GRM8: variants seen among roughly 807,000 people sequenced by gnomAD.
GRM8 encodes the protein metabotropic glutamate receptor 8.
GRM8 carries 47 observed loss-of-function variants against 87.2 expected under a neutral mutation model. The ratio of observed to expected loss-of-function variants is 0.54; its 90% CI spans 0.43 to 0.69. GRM8 has a LOEUF of 0.69. Among genes scored for constraint, GRM8 ranks in the 30% least tolerant of loss-of-function variants. The pLI is 0.00. For missense variants in GRM8, 1,019 were observed against 1,139.2 expected (o/e 0.89, Z 1.52); for synonymous variants, 396 against 404.5 (o/e 0.98, Z 0.25).
At chr7:126,513,685 T>C (rs1811755789) in intron 9 of GRM8, among the ~76,000 whole-genome samples, 1 of 152,136 alleles carries the variant, frequency 6.6e-6, no homozygotes, top group South Asian at 2.1e-4. Flanking sequence ...CTTAGGTAAG[T>C]AGGACTGAAG....
Position 127,062,840 on chromosome 7 carries a change from G to A in GRM8, c.727+43656C>T, listed in dbSNP as rs532058385. Among the ~76,000 whole-genome samples the A allele has an allele frequency of 1.3e-5, 2 of 152,204 alleles. 1 individual carries two copies. Among genetic ancestry groups the A allele is most frequent in the South Asian group, 4.1e-4 (2 of 4,830 alleles). On this transcript the variant is annotated intron_variant, in intron 3 of 10. Transcript: ENST00000339582. ...GTTTCTGATGGTTGCTTTTATATCT[G>A]TGGGGGTCAGCAGTAATATTCCCTT...
chr7:126,887,859 A>T (rs1044169426), intron 6 of GRM8, among the ~76,000 whole-genome samples: 2 of 152,028 alleles, frequency 1.3e-5, no homozygotes, highest in Non-Finnish European at 2.9e-5. Flanking sequence ...TCACAGGGAC[A>T]TTTTCTGTCA....
At chr7:126,944,827 T>C (rs917110409) in intron 3 of GRM8, among the ~76,000 whole-genome samples, 1 of 152,140 alleles carries the variant, frequency 6.6e-6, no homozygotes, top group Non-Finnish European at 1.5e-5. Flanking sequence ...AGGATATATA[T>C]TAATACTTCA....
chr7:127,041,323 G>T (rs908306682), intron 3 of GRM8, among the ~76,000 whole-genome samples: 1 of 152,122 alleles, frequency 6.6e-6, no homozygotes, highest in African/African-American at 2.4e-5. Flanking sequence ...GCCGGTGCAG[G>T]GTAACGTTTA....
At chr7:127,216,903 G>A (rs1252620378) in intron 2 of GRM8, among the ~76,000 whole-genome samples, 1 of 152,078 alleles carries the variant, frequency 6.6e-6, no homozygotes, top group Non-Finnish European at 1.5e-5. Context: ...CACTTTGAGA[G>A]GGCCCTTCCC....
chr7:127,220,563 T>C (rs574566009), intron 2 of GRM8, among the ~76,000 whole-genome samples: 1 of 152,204 alleles, frequency 6.6e-6, no homozygotes, highest in East Asian at 1.9e-4. Flanking sequence ...TGGCTCACTA[T>C]AGCCTCTACC....
chr7:126,901,747 A>G (rs74517470), intron 6 of GRM8, among the ~76,000 whole-genome samples: 1 of 152,194 alleles, frequency 6.6e-6, no homozygotes, highest in East Asian at 1.9e-4. Context: ...AGTGTAAAGG[A>G]TTTGTGCATT....
chr7:126,634,176 T>C (rs1801624349), intron 7 of GRM8, among the ~76,000 whole-genome samples: 1 of 152,152 alleles, frequency 6.6e-6, no homozygotes. Context: ...CACACTGAAT[T>C]AAAAAGTGAA....
At chr7:127,243,597 T>TA (rs139071356) in intron 1 of GRM8, 82 bp from the exon 2 acceptor site, 146 of 165,602 alleles carry the variant, frequency 8.8e-4, no homozygotes, top group Middle Eastern at 6.0e-3. Flanking sequence ...GCCAGCCTCT[T>TA]AAAAAAAAAA....
chr7:127,061,414 A>C (rs1197965201), intron 3 of GRM8, among the ~76,000 whole-genome samples: 1 of 152,216 alleles, frequency 6.6e-6, no homozygotes, highest in Non-Finnish European at 1.5e-5. Flanking sequence ...ATCATTTTTA[A>C]CCAAAAAAAT....
At chr7:126,638,928 T>C (rs1012717941) in intron 7 of GRM8, among the ~76,000 whole-genome samples, 30 of 152,292 alleles carry the variant, frequency 2.0e-4, no homozygotes, top group African/African-American at 7.2e-4. Flanking sequence ...CTGCCACTTC[T>C]GTACTCTACT....
At chr7:126,991,938 A>G (rs1812701554) in intron 3 of GRM8, among the ~76,000 whole-genome samples, 1 of 152,224 alleles carries the variant, frequency 6.6e-6, no homozygotes, top group Non-Finnish European at 1.5e-5. Flanking sequence ...AGTCAATAGC[A>G]TGACATTATA....
intron 8 of GRM8, among the ~76,000 whole-genome samples, chr7:126,544,614 G>A (rs572177045): frequency 2.6e-5 from 4 of 152,166 alleles, no homozygotes; most frequent in Non-Finnish European, 2.9e-5. Context: ...GGGTTCAGAC[G>A]ATTCTCCTGC....
chr7:127,172,794 A>G (rs1020529297), intron 2 of GRM8, among the ~76,000 whole-genome samples: 4 of 152,138 alleles, frequency 2.6e-5, no homozygotes, highest in African/African-American at 9.7e-5. Context: ...ATAATTTTTA[A>G]GATAATTTTG....
intron 6 of GRM8, among the ~76,000 whole-genome samples, chr7:126,811,488 A>G (rs1318735712): frequency 6.6e-6 from 1 of 151,932 alleles, no homozygotes; most frequent in Non-Finnish European, 1.5e-5. Flanking sequence ...ATTCTTCTGA[A>G]TCATGAGAAT....
chr7:126,692,377 A>AT (rs1348720517), intron 7 of GRM8, among the ~76,000 whole-genome samples: 1 of 152,218 alleles, frequency 6.6e-6, no homozygotes, highest in African/African-American at 2.4e-5. Context: ...TGATGAGGAA[A>AT]TGCCTGAGGT....
At chr7:126,443,335 C>T (rs1025233650) in intron 10 of GRM8, among the ~76,000 whole-genome samples, 2 of 152,032 alleles carry the variant, frequency 1.3e-5, no homozygotes, top group Non-Finnish European at 2.9e-5. Context: ...TAACACAACA[C>T]TCATTGGTTT....
intron 7 of GRM8, among the ~76,000 whole-genome samples, chr7:126,620,975 T>G (rs1422420698): frequency 2.0e-5 from 3 of 152,098 alleles, no homozygotes; most frequent in Admixed American, 2.0e-4. Context: ...CTGCCTAAAC[T>G]ATTGGAAAAG....
intron 8 of GRM8, among the ~76,000 whole-genome samples, chr7:126,587,240 T>C (rs949198971): frequency 7.0e-4 from 107 of 152,334 alleles, no homozygotes; most frequent in Admixed American, 3.3e-3. Context: ...GACTGTAAAC[T>C]AGTTCAACCA....
Sources: gnomAD v4.1 joint callset for allele counts (sites outside exome capture counted in the v4.1 genomes callset) on GRCh38, gnomAD v4.1.1 for gene constraint, MANE v1.5 for transcripts, NCBI Gene and HGNC (gene_info 2026-07-23, HGNC 2026-07-21) for gene names.